The following ARFGEF3 variants were observed in gnomAD, a reference collection of about 807,000 sequenced individuals.
ARFGEF3 encodes the protein brefeldin A-inhibited guanine nucleotide-exchange protein 3.
ARFGEF3 carries 96 observed loss-of-function variants against 221.7 expected under a neutral mutation model. The ratio of observed to expected loss-of-function variants is 0.43; its 90% CI spans 0.37 to 0.51. The LOEUF (loss-of-function observed/expected upper bound fraction) is 0.51. ARFGEF3 is among the 20% of genes least tolerant of loss of function. The probability of loss-of-function intolerance (pLI) is 0.00; values close to 1 mark genes in which losing one functional copy is unlikely to be tolerated. For missense variants in ARFGEF3, 2,410 were observed against 2,789.9 expected (o/e 0.86, Z 3.07); for synonymous variants, 1,145 against 1,126.8 (o/e 1.02, Z -0.32).
In ARFGEF3 at chr6:138,334,065, C is replaced by A. The variant is rs1780275453; in HGVS notation, c.5219C>A (p.Pro1740His). ...DILLEEFVKG[P>H]SPGEEKTIQV... ...TTGTTAGAAGAGTTTGTCAAAGGCC[C>A]CTCTCCTGGAGAGGAAAAGACGATA... The change falls in exon 33 of 34, where the codon CCC becomes CAC. Residue 1740 changes from proline (P) to histidine (H), a missense_variant. Physicochemically the swap from Pro to His is moderately conservative, Grantham distance 77 (BLOSUM62 -2). Coordinates refer to ENST00000251691, the MANE Select transcript of ARFGEF3 (RefSeq NM_020340.5). This position sits in a 1 kb window ranked among gnomAD's most constrained non-coding sequence, Gnocchi z 5.1. 2 of 1,613,908 alleles carry A rather than the reference C, an allele frequency of 1.2e-6. No homozygotes were observed. Among genetic ancestry groups the A allele is most frequent in the Non-Finnish European group, 1.7e-6 (2 of 1,179,880 alleles).
rs1312759806 is a variant in ARFGEF3 at position 138,255,705 on chromosome 6, A to C, written c.1040A>C (p.Tyr347Ser). 6.2e-7 allele frequency: 1 copy of C among 1,611,610 alleles called. No individual in the cohort carries two copies. The highest frequency in any genetic ancestry group is 8.5e-7 in the Non-Finnish European group (1 of 1,178,640). Reference sequence around the variant, plus strand: ...ATGAAGCCCGTGCTCCAGTCCCTCTACCACCGAGTGCTGCTCTACCCCCCA... The same window carrying C: ...ATGAAGCCCGTGCTCCAGTCCCTCTCCCACCGAGTGCTGCTCTACCCCCCA... ...DSMKPVLQSL[Y>S]HRVLLYPPPQ... The change falls in exon 10 of 34, where the codon TAC becomes TCC. Residue 347 changes from tyrosine to serine, a missense_variant. Physicochemically the swap from Tyr to Ser is moderately radical, Grantham distance 144. Coordinates refer to ENST00000251691, the MANE Select transcript of ARFGEF3 (RefSeq NM_020340.5).
chr6:138,329,643 GAT>G (rs1349540816), intron 32 of ARFGEF3, among the ~76,000 whole-genome samples: 1 of 152,194 alleles, frequency 6.6e-6, no homozygotes, highest in African/African-American at 2.4e-5. Context: ...CAGCCTGGGT[GAT>G]AGAGTGAGAC....
At position 138,210,174 on chromosome 6, in the gene ARFGEF3, T is replaced by C. The variant is rs139587659; in HGVS notation, c.351+133T>C. On this transcript the variant is annotated intron_variant, in intron 4 of 33. Transcript: ENST00000251691. ...CTTCATTTGGAACGGATGCTTGTTATTCTTGCTCATGGTCCCCCTAAATTA... is the reference window on the plus strand; with the variant it reads ...CTTCATTTGGAACGGATGCTTGTTACTCTTGCTCATGGTCCCCCTAAATTA... 10 of 843,928 alleles carry C rather than the reference T, an allele frequency of 1.2e-5. No individual in the cohort carries two copies. The Middle Eastern group carries it at 1.1e-3, about 93-fold the overall frequency. 52.3% of individuals were successfully genotyped at this position (843,928 alleles called of 1,614,324 possible).
At position 138,229,783 on chromosome 6, in the gene ARFGEF3, G is replaced by A; in HGVS notation, c.352-1G>A. 1 of 1,612,980 alleles carries A rather than the reference G, an allele frequency of 6.2e-7. No homozygotes were observed. Among genetic ancestry groups the A allele is most frequent in the Non-Finnish European group, 8.5e-7 (1 of 1,179,070 alleles). ...TTCTTTCATCTCTCACCTTGTTAAAGGTTTTACTATGCATCACCTACACGC... is the reference window on the plus strand; with the variant it reads ...TTCTTTCATCTCTCACCTTGTTAAAAGTTTTACTATGCATCACCTACACGC... On this transcript the variant is annotated splice_acceptor_variant, in intron 4 of 33. Coordinates refer to ENST00000251691, the MANE Select transcript of ARFGEF3 (RefSeq NM_020340.5). LOFTEE classifies it high-confidence loss of function.
rs370887823 is a variant in ARFGEF3 at position 138,335,052 on chromosome 6, A to G, written c.6206A>G (p.His2069Arg). ...QDSPLLQRPQ[H>R]LMDQGQMRHS... ...TCCCCGCTGCTTCAGCGTCCCCAGC[A>G]CTTGATGGACCAAGGGCAAATGCGG... is the stretch of plus-strand genomic sequence containing the variant. Residue 2069 changes from histidine to arginine, a missense_variant, in exon 33 of 34, where the codon CAC becomes CGC. His to Arg is a conservative substitution (Grantham distance 29). Around this residue, in one of 5 missense-constraint regions of ARFGEF3, gnomAD observed 339 missense variants for 334.9 expected, o/e 1.01. Transcript: ENST00000251691. The G allele has an allele frequency of 6.3e-7, 1 of 1,598,080 alleles. No homozygotes were observed. The highest frequency in any genetic ancestry group is 8.5e-7 in the Non-Finnish European group (1 of 1,173,146).
At chr6:138,214,791 A>G (rs1352566965) in intron 4 of ARFGEF3, among the ~76,000 whole-genome samples, 1 of 152,192 alleles carries the variant, frequency 6.6e-6, no homozygotes, top group Admixed American at 6.5e-5. Context: ...CAGAGGGTTA[A>G]AAAAAATCAG....
At chr6:138,314,431 T>C (rs1477169202) in intron 26 of ARFGEF3, among the ~76,000 whole-genome samples, 1 of 152,160 alleles carries the variant, frequency 6.6e-6, no homozygotes, top group Non-Finnish European at 1.5e-5. Context: ...AGCATTCCAC[T>C]CTGGCCCCCA....
chr6:138,185,009 C>T (rs1777154797), intron 2 of ARFGEF3, among the ~76,000 whole-genome samples: 2 of 152,178 alleles, frequency 1.3e-5, no homozygotes, highest in Non-Finnish European at 2.9e-5. Context: ...GAAACCATTG[C>T]TTGCCTACCC....
At chr6:138,282,121 AT>A (rs547828699) in intron 14 of ARFGEF3, among the ~76,000 whole-genome samples, 53 of 152,200 alleles carry the variant, frequency 3.5e-4, no homozygotes, top group Admixed American at 3.3e-4. Flanking sequence ...TGCCCGGCTA[AT>A]TTTTGTATTT....
At chr6:138,223,576 TTAAGA>T (rs1313236272) in intron 4 of ARFGEF3, among the ~76,000 whole-genome samples, 6 of 152,166 alleles carry the variant, frequency 3.9e-5, no homozygotes, top group African/African-American at 1.4e-4. Flanking sequence ...TGTGTGTTAA[TTAAGA>T]TAATTTTTAA....
At chr6:138,227,790 C>T (rs1583022177) in intron 4 of ARFGEF3, among the ~76,000 whole-genome samples, 1 of 152,304 alleles carries the variant, frequency 6.6e-6, no homozygotes, top group South Asian at 2.1e-4. Flanking sequence ...CTGATGTCTG[C>T]TCTGAAGTAA....
At chr6:138,280,234 C>T in intron 14 of ARFGEF3, 70 bp downstream of exon 14, 1 of 1,478,572 alleles carries the variant, frequency 6.8e-7, no homozygotes, top group Non-Finnish European at 9.3e-7. Context: ...AAGCCTCTTT[C>T]AGAGAAGTGT....
intron 2 of ARFGEF3, among the ~76,000 whole-genome samples, chr6:138,188,181 TA>T (rs1403947373): frequency 6.6e-6 from 1 of 152,202 alleles, no homozygotes; most frequent in Non-Finnish European, 1.5e-5. Flanking sequence ...GCAAGCTTAC[TA>T]AGTCTCTATC....
intron 4 of ARFGEF3, among the ~76,000 whole-genome samples, chr6:138,223,550 C>T (rs963207243): frequency 1.3e-5 from 2 of 152,122 alleles, no homozygotes; most frequent in African/African-American, 4.8e-5. Context: ...AACCACAGTT[C>T]CCCCCAAGAA....
At chr6:138,238,481 G>A (rs762406917) in intron 5 of ARFGEF3, 28 bp from the exon 6 acceptor site, 1 of 1,607,136 alleles carries the variant, frequency 6.2e-7, no homozygotes, top group South Asian at 1.1e-5. Context: ...CTGCAGACAT[G>A]TGTGTTGCTG....
rs549839332 is a variant in ARFGEF3, at chr6:138,210,128, G to A, written c.351+87G>A. On this transcript the variant is annotated intron_variant, in intron 4 of 33. Coordinates refer to ENST00000251691, the MANE Select transcript of ARFGEF3 (RefSeq NM_020340.5). ...ACTTGTTATCTGAAAATGCCTCTGC[G>A]TTGTGGTCATGCTAGCTCATCTTCA... 9 of 1,375,894 alleles carry A rather than the reference G, an allele frequency of 6.5e-6. No individual in the cohort carries two copies. The South Asian group carries it at 9.5e-5, about 15-fold the overall frequency. 85.2% of individuals were successfully genotyped at this position (1,375,894 alleles called of 1,614,324 possible).
At chr6:138,252,511 G>A (rs1360460869) in intron 8 of ARFGEF3, among the ~76,000 whole-genome samples, 2 of 152,132 alleles carry the variant, frequency 1.3e-5, no homozygotes, top group Non-Finnish European at 2.9e-5. Flanking sequence ...TGGCAGTTGT[G>A]TGGATGTAAC....
At chr6:138,260,695 A>T (rs1408498991) in intron 10 of ARFGEF3, among the ~76,000 whole-genome samples, 1 of 152,184 alleles carries the variant, frequency 6.6e-6, no homozygotes, top group Non-Finnish European at 1.5e-5. Context: ...ATGACAAGGA[A>T]ATATAGGGGA....
At chr6:138,231,576 G>A (rs1056470371) in intron 5 of ARFGEF3, among the ~76,000 whole-genome samples, 1 of 152,190 alleles carries the variant, frequency 6.6e-6, no homozygotes, top group Non-Finnish European at 1.5e-5. Flanking sequence ...TTTAGTGCAA[G>A]TCCAGCCACA....
Sources: allele counts gnomAD v4.1 joint callset (sites outside exome capture counted in the v4.1 genomes callset), GRCh38; gene constraint gnomAD v4.1.1; regional missense constraint gnomAD v4.1.1; non-coding constraint Gnocchi (gnomAD v3.1); transcripts MANE v1.5; gene names NCBI Gene and HGNC (gene_info 2026-07-23, HGNC 2026-07-21).